Variants in GAPDHS observed in about 807,000 individuals in gnomAD.
GAPDHS encodes the protein glyceraldehyde-3-phosphate dehydrogenase, spermatogenic, also known as glyceraldehyde-3-phosphate dehydrogenase, testis-specific.
A neutral mutation model predicts 48.7 loss-of-function variants in GAPDHS; 42 were observed. The ratio of observed to expected loss-of-function variants is 0.86; its 90% CI spans 0.67 to 1.12. GAPDHS has a LOEUF of 1.12. GAPDHS is among the 50% of genes most tolerant of loss of function. The pLI, the probability that GAPDHS is intolerant of heterozygous loss-of-function variation, is 0.00. For synonymous variants in GAPDHS, 166 were observed against 219.1 expected (o/e 0.76, Z 2.14); for missense variants, 512 against 557.7 (o/e 0.92, Z 0.82).
chr19:35,533,682 G>T (rs1261850254), intron 1 of GAPDHS, 88 bp downstream of exon 1: 11 of 1,003,740 alleles, frequency 1.1e-5, no homozygotes, highest in Non-Finnish European at 1.6e-5. Context: ...TATCCCTACC[G>T]CCCTTCCTGG....
intron 1 of GAPDHS, among the ~76,000 whole-genome samples, chr19:35,536,467 T>G (rs2071466487): frequency 1.3e-5 from 2 of 151,682 alleles, no homozygotes; most frequent in Admixed American, 1.3e-4. Context: ...TCCCAGCTAC[T>G]CGGGAGGCTG....
chr19:35,542,350 G>C lies in GAPDHS; in HGVS notation c.481G>C (p.Val161Leu). The C allele has an allele frequency of 6.2e-7, 1 of 1,612,970 alleles. No individual in the cohort carries two copies. Among genetic ancestry groups the C allele is most frequent in the Non-Finnish European group, 8.5e-7 (1 of 1,179,694 alleles). ...GCCCAAACAGATCCCCTGGAGGGCT[G>C]TCGGGAGCCCCTACGTGGTGGAGTC... Reference protein sequence around the residue: ...KEPKQIPWRAVGSPYVVESTG... With the variant: ...KEPKQIPWRALGSPYVVESTG... The change falls in exon 5 of 11, where the codon GTC becomes CTC. Residue 161 changes from valine to leucine, a missense_variant. Coordinates refer to ENST00000222286, the MANE Select transcript of GAPDHS (RefSeq NM_014364.5).
Position 35,545,166 on chromosome 19 carries a change from A to C in GAPDHS, c.1223A>C (p.Lys408Thr). 6.2e-7 allele frequency: 1 copy of C among 1,612,806 alleles called. No individual in the cohort carries two copies. Among genetic ancestry groups the C allele is most frequent in the South Asian group, 1.1e-5 (1 of 91,044 alleles). Residue 408 changes from lysine to threonine, a missense_variant, in exon 11 of 11, where the codon AAG (lysine) becomes ACG (threonine). Transcript: ENST00000222286. ...CTCCGCTACATGTTCAGCCGAGACA[A>C]GTGAAACGGGAAGGTCCTTTCTTTC... is the stretch of plus-strand genomic sequence containing the variant. ...DLLRYMFSRD[K>T]
At chr19:35,543,313 C>G (rs201716570) in intron 7 of GAPDHS, 27 bp from the exon 8 acceptor site, 5 of 1,606,642 alleles carry the variant, frequency 3.1e-6, no homozygotes, top group Non-Finnish European at 3.4e-6. Context: ...GCATGAAGGC[C>G]TCATCTTGGT....
intron 1 of GAPDHS, among the ~76,000 whole-genome samples, chr19:35,534,213 T>A (rs969508069): frequency 2.0e-5 from 3 of 150,512 alleles, no homozygotes; most frequent in Admixed American, 6.7e-5. Context: ...ACACACACAC[T>A]CACTCACTCA....
intron 2 of GAPDHS, 59 bp from the exon 3 acceptor site, chr19:35,538,248 G>A (rs1475757586): frequency 2.5e-6 from 3 of 1,186,422 alleles, no homozygotes; most frequent in Non-Finnish European, 3.7e-6. Context: ...GGCTCCTTGA[G>A]GGAGCCTCCT....
At position 35,545,212 on chromosome 19, in the gene GAPDHS, G is replaced by A. The variant is rs757245394; in HGVS notation, c.*42G>A. Reference sequence around the variant, plus strand: ...CTTTCCTTCCCAGGGGCCGGGGCCGGAACATGTGCCTCCCGTTCCAGCATC... The same window carrying A: ...CTTTCCTTCCCAGGGGCCGGGGCCGAAACATGTGCCTCCCGTTCCAGCATC... On this transcript the variant is annotated 3_prime_UTR_variant, in exon 11 of 11. Coordinates refer to ENST00000222286, the MANE Select transcript of GAPDHS (RefSeq NM_014364.5). The A allele has an allele frequency of 5.9e-6, 9 of 1,530,562 alleles. No homozygotes were observed. In the Admixed American group the frequency reaches 1.5e-4, roughly 26 times the overall value. The allele number at this position is 1,530,562 out of a possible 1,614,324, so 94.8% of individuals were successfully genotyped here.
At chr19:35,537,619 C>T (rs1256600397) in intron 2 of GAPDHS, among the ~76,000 whole-genome samples, 2 of 152,218 alleles carry the variant, frequency 1.3e-5, no homozygotes, top group Non-Finnish European at 2.9e-5. Flanking sequence ...GGCTCTCACA[C>T]CTGTAAACCC....
chr19:35,543,893 A>G, intron 9 of GAPDHS, 66 bp downstream of exon 9: 1 of 1,481,002 alleles, frequency 6.8e-7, no homozygotes, highest in Non-Finnish European at 8.9e-7. Flanking sequence ...TCCACTTGCC[A>G]GGGAGCTGCT....
intron 4 of GAPDHS, among the ~76,000 whole-genome samples, chr19:35,539,902 C>T (rs2146294984): frequency 6.6e-6 from 1 of 152,338 alleles, no homozygotes. Flanking sequence ...ACCTAGCTGC[C>T]CCCTCCGTCC....
At chr19:35,544,122 A>G (rs924854899) in intron 9 of GAPDHS, 2 of 343,766 alleles carry the variant, frequency 5.8e-6, no homozygotes, top group Admixed American at 4.5e-5. Context: ...CTGAAATTTC[A>G]TTTCATAGTC....
rs2071469254 is a variant in GAPDHS, at chr19:35,536,873, A to G, written c.128A>G (p.Glu43Gly). ...KAEVEPQPQP[E>G]PTPVREEIKP... ...GAAGTAGAGCCCCAGCCACAACCAG[A>G]GCCCACACCAGTCAGGGAGGAAATA... Residue 43 changes from glutamate (E) to glycine (G), a missense_variant, in exon 2 of 11, where the codon GAG becomes GGG. Coordinates refer to ENST00000222286, the MANE Select transcript of GAPDHS (RefSeq NM_014364.5). The G allele has an allele frequency of 6.2e-6, 10 of 1,613,866 alleles. No individual in the cohort carries two copies. The highest frequency in any genetic ancestry group is 8.5e-6 in the Non-Finnish European group (10 of 1,179,952).
At chr19:35,536,298 G>A (rs55661438) in intron 1 of GAPDHS, among the ~76,000 whole-genome samples, 20,169 of 151,710 alleles carry the variant, frequency 0.13, 2,017 homozygotes, top group East Asian at 0.37. Flanking sequence ...TACATACCCC[G>A]GCCAGGCGCA....
At chr19:35,534,822 G>A (rs1288406541) in intron 1 of GAPDHS, among the ~76,000 whole-genome samples, 8 of 152,118 alleles carry the variant, frequency 5.3e-5, no homozygotes, top group Admixed American at 5.2e-4. Context: ...AACAGGGAGA[G>A]GTCAGGGAGA....
chr19:35,540,536 G>A (rs976165660), intron 4 of GAPDHS, among the ~76,000 whole-genome samples: 6 of 150,476 alleles, frequency 4.0e-5, no homozygotes, highest in African/African-American at 1.5e-4. Context: ...CAGAGCAGGA[G>A]ACAGGAAGAG....
chr19:35,538,033 G>A (rs1312255085), intron 2 of GAPDHS, among the ~76,000 whole-genome samples: 6 of 152,092 alleles, frequency 3.9e-5, no homozygotes, highest in Admixed American at 6.5e-5. Context: ...CCCAGATAGC[G>A]CCACTGCACT....
At chr19:35,542,458 A>G in intron 5 of GAPDHS, 32 bp from the exon 6 acceptor site, 2 of 1,589,710 alleles carry the variant, frequency 1.3e-6, no homozygotes, top group Non-Finnish European at 1.7e-6. Context: ...TGATGGTGCC[A>G]GAAGCCCCTG....
intron 2 of GAPDHS, 21 bp downstream of exon 2, chr19:35,537,011 G>T (rs2071470458): frequency 6.2e-7 from 1 of 1,603,456 alleles, no homozygotes; most frequent in South Asian, 1.1e-5. Flanking sequence ...TCCAGCCCCT[G>T]ATCAGTCTGA....
At position 35,545,221 on chromosome 19, in the gene GAPDHS, C is replaced by A. The variant is rs1327561906; in HGVS notation, c.*51C>A. 6.8e-7 allele frequency: 1 copy of A among 1,476,872 alleles called. No homozygotes were observed. Among genetic ancestry groups the A allele is most frequent in the Non-Finnish European group, 9.5e-7 (1 of 1,055,144 alleles). 91.5% of individuals were successfully genotyped at this position (1,476,872 alleles called of 1,614,324 possible). A position where few individuals can be genotyped will look rare whatever the true frequency, so the allele number is the denominator to read the frequency against. ...CCAGGGGCCGGGGCCGGAACATGTG[C>A]CTCCCGTTCCAGCATCTGGCTGCCC... On this transcript the variant is annotated 3_prime_UTR_variant, in exon 11 of 11. Coordinates refer to ENST00000222286, the MANE Select transcript of GAPDHS (RefSeq NM_014364.5).
Sources: allele counts gnomAD v4.1 joint callset (sites outside exome capture counted in the v4.1 genomes callset), GRCh38; gene constraint gnomAD v4.1.1; transcripts MANE v1.5; gene names NCBI Gene and HGNC (gene_info 2026-07-23, HGNC 2026-07-21).